The following NPSR1 variants were observed in gnomAD, a reference collection of about 807,000 sequenced individuals.
NPSR1 encodes neuropeptide S receptor 1, also known as neuropeptide S receptor.
A neutral mutation model predicts 46.9 loss-of-function variants in NPSR1; 48 were observed. The observed-to-expected ratio is 1.02, with a 90% CI of 0.81 to 1.30. The LOEUF is 1.30. NPSR1 is among the 50% of genes most tolerant of loss of function. The pLI, the probability that NPSR1 is intolerant of heterozygous loss-of-function variation, is 0.00. For synonymous variants in NPSR1, 176 were observed against 168.1 expected, an observed-to-expected ratio of 1.05 and a Z score of -0.36; for missense variants, 450 against 449.5, an observed-to-expected ratio of 1.00 and a Z score of -0.01.
At chr7:34,660,080 A>G (rs1367766309) in intron 1 of NPSR1, 1 of 456,200 alleles carries the variant, frequency 2.2e-6, no homozygotes, top group Non-Finnish European at 4.4e-6. Flanking sequence ...GAAGAAACAA[A>G]TCCCACCTTG....
At chr7:34,680,938 A>G (rs540919034) in intron 1 of NPSR1, among the ~76,000 whole-genome samples, 1 of 145,986 alleles carries the variant, frequency 6.8e-6, no homozygotes, top group South Asian at 2.2e-4. Context: ...GTGTTGATAA[A>G]GGTTTTTTTT....
At chr7:34,768,181 C>T (rs1285929351) in intron 2 of NPSR1, among the ~76,000 whole-genome samples, 1 of 152,086 alleles carries the variant, frequency 6.6e-6, no homozygotes, top group African/African-American at 2.4e-5. Context: ...TTATAGCTGA[C>T]TTCTTATCTG....
chr7:34,863,679 C>T (rs1791240930), intron 8 of NPSR1, among the ~76,000 whole-genome samples: 1 of 151,748 alleles, frequency 6.6e-6, no homozygotes, highest in South Asian at 2.1e-4. Context: ...AAATGAGATA[C>T]CATCTCATGC....
At chr7:34,791,178 AT>A (rs998276849) in intron 3 of NPSR1, among the ~76,000 whole-genome samples, 38 of 110,758 alleles carry the variant, frequency 3.4e-4, no homozygotes, top group East Asian at 2.4e-3. Context: ...TATATATTAT[AT>A]TATATATGTT....
At chr7:34,665,452 T>C (rs997168731) in intron 1 of NPSR1, among the ~76,000 whole-genome samples, 2 of 152,200 alleles carry the variant, frequency 1.3e-5, no homozygotes, top group African/African-American at 4.8e-5. Context: ...ATTTGATCCT[T>C]ACCTTCTGGC....
chr7:34,677,960 A>G (rs1562645019), intron 1 of NPSR1, among the ~76,000 whole-genome samples: 1 of 152,186 alleles, frequency 6.6e-6, no homozygotes, highest in Non-Finnish European at 1.5e-5. Context: ...TGTATCTACT[A>G]TCTTCCTCAC....
At chr7:34,666,008 T>C (rs570007923) in intron 1 of NPSR1, among the ~76,000 whole-genome samples, 17 of 152,324 alleles carry the variant, frequency 1.1e-4, no homozygotes, top group Admixed American at 9.1e-4. Flanking sequence ...TATCAAGAAA[T>C]AATCTGTAAA....
At chr7:34,670,484 G>T (rs185636794) in intron 1 of NPSR1, among the ~76,000 whole-genome samples, 1 of 151,708 alleles carries the variant, frequency 6.6e-6, no homozygotes, top group East Asian at 1.9e-4. Flanking sequence ...ATTATATAAT[G>T]ATGACACTAA....
At chr7:34,810,135 C>T (rs914033572) in intron 3 of NPSR1, among the ~76,000 whole-genome samples, 9 of 152,126 alleles carry the variant, frequency 5.9e-5, no homozygotes, top group African/African-American at 1.2e-4. Flanking sequence ...CAAAAAGGCA[C>T]GAATTCAGAA....
chr7:34,756,754 A>G (rs773047641), intron 2 of NPSR1, among the ~76,000 whole-genome samples: 1 of 152,220 alleles, frequency 6.6e-6, no homozygotes, highest in African/African-American at 2.4e-5. Flanking sequence ...AGCGACCTGA[A>G]TTCAAATCCT....
At chr7:34,696,079 A>T (rs917338927) in intron 2 of NPSR1, among the ~76,000 whole-genome samples, 7 of 24,656 alleles carry the variant, frequency 2.8e-4, no homozygotes, top group Non-Finnish European at 4.7e-4. Flanking sequence ...TTGATTTGAT[A>T]AAAAAAAAAA....
At chr7:34,812,606 C>G (rs561472769) in intron 4 of NPSR1, among the ~76,000 whole-genome samples, 1 of 152,162 alleles carries the variant, frequency 6.6e-6, no homozygotes, top group African/African-American at 2.4e-5. Context: ...GAGAGGGGCC[C>G]TGGGGAGCAG....
intron 2 of NPSR1, chr7:34,752,122 A>C: frequency 2.0e-6 from 1 of 511,940 alleles, no homozygotes; most frequent in South Asian, 2.0e-5. Flanking sequence ...TTAAAATTAC[A>C]AAGTTTTCCA....
chr7:34,780,224 A>T (rs1787170142), intron 3 of NPSR1, among the ~76,000 whole-genome samples: 1 of 152,190 alleles, frequency 6.6e-6, no homozygotes. Flanking sequence ...AAGAAGAACC[A>T]CAAAACTAGG....
At chr7:34,742,114 G>T (rs1157679601) in intron 2 of NPSR1, among the ~76,000 whole-genome samples, 1 of 150,558 alleles carries the variant, frequency 6.6e-6, no homozygotes, top group African/African-American at 2.4e-5. Context: ...TTTTCTCAAG[G>T]ATTTTTTAGT....
intron 6 of NPSR1, among the ~76,000 whole-genome samples, chr7:34,840,827 G>A (rs1790536473): frequency 6.6e-6 from 1 of 152,170 alleles, no homozygotes; most frequent in Admixed American, 6.5e-5. Flanking sequence ...GGCACAGGCG[G>A]TGGCCTGGGT....
At chr7:34,857,098 G>T (rs1438095368) in intron 8 of NPSR1, among the ~76,000 whole-genome samples, 5 of 151,750 alleles carry the variant, frequency 3.3e-5, no homozygotes, top group Non-Finnish European at 7.4e-5. Context: ...TCTCTATGGA[G>T]AAATTATAAT....
chr7:34,716,969 C>T (rs923992187), intron 2 of NPSR1, among the ~76,000 whole-genome samples: 3 of 152,232 alleles, frequency 2.0e-5, no homozygotes, highest in East Asian at 3.9e-4. Flanking sequence ...GGTGAAGAAG[C>T]GAGGCAGTGC....
At chr7:34,776,699 G>T (rs1053209645) in intron 2 of NPSR1, among the ~76,000 whole-genome samples, 2 of 152,174 alleles carry the variant, frequency 1.3e-5, no homozygotes, top group Non-Finnish European at 2.9e-5. Flanking sequence ...GCAAGTCTCA[G>T]AGTCTCATCC....
Sources: gnomAD v4.1 joint callset for allele counts (sites outside exome capture counted in the v4.1 genomes callset) on GRCh38, gnomAD v4.1.1 for gene constraint, MANE v1.5 for transcripts, NCBI Gene and HGNC (gene_info 2026-07-23, HGNC 2026-07-21) for gene names.